Variants in AFTPH observed in about 807,000 individuals in gnomAD.
The protein encoded by AFTPH is aftiphilin protein.
In AFTPH, 7 loss-of-function variants were observed where a neutral mutation model predicts 72.5. The ratio of observed to expected loss-of-function variants is 0.10; its 90% CI spans 0.05 to 0.18. The LOEUF is 0.18. AFTPH is among the 10% of genes least tolerant of loss of function. The probability of loss-of-function intolerance (pLI) is 1.00; values close to 1 mark genes in which losing one functional copy is unlikely to be tolerated. For missense variants in AFTPH, 979 were observed against 1,060.5 expected, an observed-to-expected ratio of 0.92 and a Z score of 1.07; for synonymous variants, 337 against 370.1, an observed-to-expected ratio of 0.91 and a Z score of 1.03.
At chr2:64,568,286 C>G (rs149077366) in intron 3 of AFTPH, among the ~76,000 whole-genome samples, 1 of 132,012 alleles carries the variant, frequency 7.6e-6, no homozygotes, top group African/African-American at 3.2e-5. Context: ...ATTATAATCA[C>G]GTATGTATTG....
chr2:64,552,206 A>G, exon 2 of AFTPH: 1 of 1,613,912 alleles, frequency 6.2e-7, no homozygotes, highest in Non-Finnish European at 8.5e-7. Context: ...AAAGGATACA[A>G]TTAGAAGAAA....
chr2:64,555,955 T>C (rs1182925770), intron 2 of AFTPH, among the ~76,000 whole-genome samples: 5 of 151,476 alleles, frequency 3.3e-5, no homozygotes, highest in African/African-American at 9.8e-5. Context: ...CCCTAGTTGC[T>C]CCGGACAGTG....
At chr2:64,572,876 C>T in intron 5 of AFTPH, 70 bp from the exon 6 acceptor site, 1 of 1,559,652 alleles carries the variant, frequency 6.4e-7, no homozygotes, top group Non-Finnish European at 8.7e-7. Context: ...CTTCTTCTTT[C>T]TGATAGATTA....
At chr2:64,535,993 T>A (rs1179351915) in intron 1 of AFTPH, among the ~76,000 whole-genome samples, 1 of 152,120 alleles carries the variant, frequency 6.6e-6, no homozygotes, top group Non-Finnish European at 1.5e-5. Context: ...CTTGATTGAT[T>A]TAATTTGTGG....
intron 8 of AFTPH, among the ~76,000 whole-genome samples, chr2:64,589,143 A>T (rs1420515067): frequency 6.6e-6 from 1 of 152,204 alleles, no homozygotes; most frequent in East Asian, 1.9e-4. Context: ...AAAGATTTAT[A>T]CCTAGATTTT....
chr2:64,563,818 G>C (rs1671884141), intron 2 of AFTPH, among the ~76,000 whole-genome samples: 1 of 152,102 alleles, frequency 6.6e-6, no homozygotes, highest in Non-Finnish European at 1.5e-5. Flanking sequence ...ATGTTGGTCA[G>C]GCTGGTCTCG....
chr2:64,535,381 G>A (rs1669833310), intron 1 of AFTPH, among the ~76,000 whole-genome samples: 1 of 152,068 alleles, frequency 6.6e-6, no homozygotes, highest in African/African-American at 2.4e-5. Context: ...CCTATTAGGG[G>A]AAAAAAACAT....
At chr2:64,566,333 A>AGT (rs1448630931) in intron 2 of AFTPH, among the ~76,000 whole-genome samples, 28 of 152,326 alleles carry the variant, frequency 1.8e-4, no homozygotes. Flanking sequence ...ATTACAAAAG[A>AGT]GTACCCTAAG....
At chr2:64,537,129 T>TA (rs11406645) in intron 1 of AFTPH, among the ~76,000 whole-genome samples, 73,145 of 151,698 alleles carry the variant, frequency 0.48, 21,065 homozygotes, top group African/African-American at 0.82. Flanking sequence ...AGCTGCTTTT[T>TA]AAAAAATTGA....
chr2:64,529,765 G>C (rs1669512363), intron 1 of AFTPH, among the ~76,000 whole-genome samples: 2 of 151,968 alleles, frequency 1.3e-5, no homozygotes, highest in African/African-American at 4.8e-5. Flanking sequence ...AAATAGCTGG[G>C]ACCACGGGCG....
intron 2 of AFTPH, among the ~76,000 whole-genome samples, chr2:64,559,518 A>G (rs1353945800): frequency 1.3e-5 from 2 of 152,186 alleles, no homozygotes; most frequent in African/African-American, 4.8e-5. Flanking sequence ...GCTCAAGTCC[A>G]ACTGAAGTAC....
At chr2:64,543,890 A>G (rs1670404243) in intron 1 of AFTPH, among the ~76,000 whole-genome samples, 1 of 152,236 alleles carries the variant, frequency 6.6e-6, no homozygotes, top group African/African-American at 2.4e-5. Flanking sequence ...ACTAGAGGTT[A>G]GAATTCCATA....
chr2:64,539,736 T>A (rs1440329198), intron 1 of AFTPH, among the ~76,000 whole-genome samples: 1 of 152,124 alleles, frequency 6.6e-6, no homozygotes, highest in Non-Finnish European at 1.5e-5. Context: ...CTACACAACA[T>A]TTACAGTCAT....
In AFTPH at chr2:64,564,997, C is replaced by A. The variant is rs541878195; in HGVS notation, c.1936-2565C>A. Among the ~76,000 whole-genome samples, 6 of 151,988 alleles carry A rather than the reference C, an allele frequency of 3.9e-5. No homozygotes were observed. In the East Asian group the frequency reaches 9.8e-4, roughly 25 times the overall value. On this transcript the variant is annotated intron_variant, in intron 2 of 8. Transcript: ENST00000238856. ...GGGACTACAGGCGTGCGCCACCATG[C>A]CCTGCTAATTTTTGTATTTTTAGTA...
At chr2:64,543,338 C>T (rs1020763058) in intron 1 of AFTPH, among the ~76,000 whole-genome samples, 5 of 152,150 alleles carry the variant, frequency 3.3e-5, no homozygotes, top group Non-Finnish European at 5.9e-5. Flanking sequence ...CTTGGTTTTT[C>T]ACTCTATGGT....
chr2:64,568,621 G>A (rs1178395625), intron 3 of AFTPH, among the ~76,000 whole-genome samples: 1 of 152,090 alleles, frequency 6.6e-6, no homozygotes, highest in Non-Finnish European at 1.5e-5. Flanking sequence ...ATTTCACAGT[G>A]AAATACCTTT....
intron 8 of AFTPH, among the ~76,000 whole-genome samples, chr2:64,587,129 A>G (rs953537853): frequency 5.3e-5 from 8 of 152,202 alleles, no homozygotes; most frequent in South Asian, 2.1e-4. Flanking sequence ...TCCTTGAAAC[A>G]TGCTGAATCT....
intron 5 of AFTPH, among the ~76,000 whole-genome samples, chr2:64,570,334 C>A (rs1000518724): frequency 6.6e-6 from 1 of 151,994 alleles, no homozygotes; most frequent in East Asian, 1.9e-4. Context: ...TTACTATAAC[C>A]GTTAAATTGG....
At chr2:64,554,288 G>A (rs1235412162) in intron 2 of AFTPH, among the ~76,000 whole-genome samples, 2 of 152,126 alleles carry the variant, frequency 1.3e-5, no homozygotes, top group African/African-American at 4.8e-5. Context: ...TATCTAGGTT[G>A]TTCCCCAGTC....
Sources: allele counts gnomAD v4.1 joint callset (sites outside exome capture counted in the v4.1 genomes callset), GRCh38; gene constraint gnomAD v4.1.1; transcripts MANE v1.5; gene names NCBI Gene and HGNC (gene_info 2026-07-23, HGNC 2026-07-21).